The following CUX2 variants were observed in gnomAD, a reference collection of about 807,000 sequenced individuals.
CUX2 encodes cut like homeobox 2.
Under a neutral mutation model 144.8 loss-of-function variants are expected in CUX2, and 40 were observed. That is an observed-to-expected ratio of 0.28 (90% CI 0.21 to 0.36). The LOEUF (loss-of-function observed/expected upper bound fraction) is 0.36. Ranked by LOEUF, CUX2 falls within the 10% of genes least tolerant of loss-of-function variation. The probability of loss-of-function intolerance (pLI) is 1.00; values close to 1 mark genes in which losing one functional copy is unlikely to be tolerated. For missense variants in CUX2, 1,615 were observed against 1,994.0 expected (o/e 0.81, Z 3.62); for synonymous variants, 827 against 875.6 (o/e 0.94, Z 0.98).
intron 1 of CUX2, among the ~76,000 whole-genome samples, chr12:111,148,034 C>T (rs918120158): frequency 5.3e-5 from 8 of 152,180 alleles, no homozygotes; most frequent in African/African-American, 1.2e-4. Flanking sequence ...ACAGTGGTTT[C>T]GCTTCTTGCT....
At position 111,310,577 on chromosome 12, in the gene CUX2, C is replaced by A. The variant is rs200707164; in HGVS notation, c.1795C>A (p.Arg599Ser). ...GATCCTAGCCCGGCCCAAGCCCTGG[C>A]GCAAGCTCACGGTGAAGGGCAAGGA... ...SEILARPKPWRKLTVKGKEPF... is the reference protein window; with the variant it reads ...SEILARPKPWSKLTVKGKEPF... Residue 599 changes from arginine to serine, a missense_variant, in exon 15 of 22, where the codon CGC (arginine) becomes AGC (serine). By Grantham distance (110) the Arg-to-Ser change is moderately radical. Around this residue, in one of 12 missense-constraint regions of CUX2, gnomAD observed 71 missense variants for 142.3 expected, o/e 0.50. Transcript: ENST00000261726. This position sits in a 1 kb window ranked among gnomAD's most constrained non-coding sequence, Gnocchi z 7.9. 1.2e-6 allele frequency: 2 copies of A among 1,613,752 alleles called. No homozygotes were observed. The highest frequency in any genetic ancestry group is 1.7e-6 in the Non-Finnish European group (2 of 1,179,976).
At chr12:111,093,328 C>T (rs935267511) in intron 1 of CUX2, among the ~76,000 whole-genome samples, 8 of 152,174 alleles carry the variant, frequency 5.3e-5, no homozygotes, top group African/African-American at 1.9e-4. Context: ...AACTCTGGCT[C>T]GCCCAGGAGG....
rs1029890838 is a variant in CUX2, at chr12:111,068,253, C to T, written c.63+34013C>T. Among the ~76,000 whole-genome samples the T allele has an allele frequency of 6.6e-5, 10 of 152,220 alleles. No individual in the cohort carries two copies. Among genetic ancestry groups the T allele is most frequent in the Non-Finnish European group, 1.5e-5 (1 of 68,038 alleles). Reference sequence around the variant, plus strand: ...TTTTTCTAATTTTGCCGGAGTTGCCCTCCCCACTTTCCCTCTTCCTTTTCT... The same window carrying T: ...TTTTTCTAATTTTGCCGGAGTTGCCTTCCCCACTTTCCCTCTTCCTTTTCT... On this transcript the variant is annotated intron_variant, in intron 1 of 21. Transcript: ENST00000261726. The surrounding 1 kb of genome is among the most constrained non-coding windows in gnomAD (Gnocchi z 4.9).
chr12:111,045,457 C>T (rs995063160), intron 1 of CUX2, among the ~76,000 whole-genome samples: 1 of 152,170 alleles, frequency 6.6e-6, no homozygotes, highest in Admixed American at 6.5e-5. Flanking sequence ...ACTTCATAAT[C>T]ATTTGGAGGT....
At position 111,295,777 on chromosome 12, in the gene CUX2, A is replaced by T. The variant is rs981306916; in HGVS notation, c.637+368A>T. 3.3e-5 allele frequency among the ~76,000 whole-genome samples: 5 copies of T among 151,478 alleles called. No individual in the cohort carries two copies. Among genetic ancestry groups the T allele is most frequent in the African/African-American group, 1.2e-4 (5 of 41,000 alleles). ...TAATTAATTAATTAATTAATTAATT[A>T]ATTTAATACAACCCCTGCAGGGGCC... On this transcript the variant is annotated intron_variant, in intron 7 of 21. Transcript: ENST00000261726. The surrounding 1 kb of genome is among the most constrained non-coding windows in gnomAD (Gnocchi z 5.0).
Position 111,310,141 on chromosome 12 carries a change from C to G in CUX2, c.1359C>G (p.Asp453Glu), listed in dbSNP as rs760224285. ...QQLPPPPGPE[D>E]PLSPSPGQPL... ...TCCCACCTCCACCAGGGCCAGAAGA[C>G]CCCCTGTCTCCCAGCCCCGGGCAGC... The change falls in exon 15 of 22, where the codon GAC becomes GAG. Residue 453 changes from aspartate to glutamate, a missense_variant. Transcript: ENST00000261726. This position sits in a 1 kb window ranked among gnomAD's most constrained non-coding sequence, Gnocchi z 7.9. 2 of 1,532,278 alleles carry G rather than the reference C, an allele frequency of 1.3e-6. No homozygotes were observed. Among genetic ancestry groups the G allele is most frequent in the Non-Finnish European group, 1.8e-6 (2 of 1,140,812 alleles). 94.9% of individuals were successfully genotyped at this position (1,532,278 alleles called of 1,614,324 possible). A position where few individuals can be genotyped will look rare whatever the true frequency, so the allele number is the denominator to read the frequency against.
intron 1 of CUX2, among the ~76,000 whole-genome samples, chr12:111,147,534 A>G (rs1876765587): frequency 6.6e-6 from 1 of 152,132 alleles, no homozygotes; most frequent in Non-Finnish European, 1.5e-5. Context: ...TTTCAAGTTC[A>G]TGGTTCCCAC....
intron 1 of CUX2, among the ~76,000 whole-genome samples, chr12:111,136,293 G>C (rs898241541): frequency 6.6e-6 from 1 of 152,110 alleles, no homozygotes; most frequent in Non-Finnish European, 1.5e-5. Flanking sequence ...GGAAGTGAGA[G>C]AGAGAGCGGA....
intron 7 of CUX2, among the ~76,000 whole-genome samples, chr12:111,296,244 G>A (rs114549723): frequency 1.2e-4 from 18 of 152,006 alleles, no homozygotes; most frequent in Admixed American, 4.6e-4. Context: ...CATCTGCCCC[G>A]CACTGCCCAC....
rs377704177 is a variant in CUX2 at position 111,263,624 on chromosome 12, C to CAAAAA, written c.223-136_223-132dup. 5 of 763,714 alleles carry CAAAAA rather than the reference C, an allele frequency of 6.5e-6. No homozygotes were observed. Among genetic ancestry groups the CAAAAA allele is most frequent in the African/African-American group, 5.4e-5 (3 of 55,986 alleles). 47.3% of individuals were successfully genotyped at this position (763,714 alleles called of 1,614,324 possible). On this transcript the variant is annotated intron_variant, in intron 3 of 21. Transcript: ENST00000261726. This position sits in a 1 kb window ranked among gnomAD's most constrained non-coding sequence, Gnocchi z 4.0. ...TGGGCGACAGAGCAAGACTCTCTCT[C>CAAAAA]AAAAACAAAACAAAACAAAACAAAA...
intron 4 of CUX2, among the ~76,000 whole-genome samples, chr12:111,266,010 C>T (rs1269650327): frequency 6.6e-6 from 1 of 152,170 alleles, no homozygotes; most frequent in Non-Finnish European, 1.5e-5. Context: ...GTTCCTCTGT[C>T]TGGGGCAACT....
In CUX2 at chr12:111,173,494, G is replaced by A. The variant is rs368525082; in HGVS notation, c.64-40706G>A. Among the ~76,000 whole-genome samples the A allele has an allele frequency of 2.8e-4, 42 of 152,364 alleles. 1 individual carries two copies. In the East Asian group the frequency reaches 5.8e-3, roughly 21 times the overall value. ...TCTTCTAGGCACGATGAGGTGCTGG[G>A]CGCACAGGGGTACCTGCCCTCCTGG... On this transcript the variant is annotated intron_variant, in intron 1 of 21. Coordinates refer to ENST00000261726, the MANE Select transcript of CUX2 (RefSeq NM_015267.4).
intron 1 of CUX2, among the ~76,000 whole-genome samples, chr12:111,140,195 G>C (rs1416781103): frequency 6.6e-6 from 1 of 152,108 alleles, no homozygotes; most frequent in Non-Finnish European, 1.5e-5. Flanking sequence ...AATAGCAAAA[G>C]ACTTGGGGTG....
At position 111,320,580 on chromosome 12, in the gene CUX2, G is replaced by A. The variant is rs1289645774; in HGVS notation, c.2571G>A (p.Ala857=). The stretch of plus-strand genomic sequence containing the variant: ...CGGGCGAGCTCAAGGCTGAGGGCGC[G>A]ACGGCCGAGGCGGGCGCGCGGCTGC... ...PRTGELKAEG[A]TAEAGARLPY... Residue 857 remains alanine, a synonymous_variant, in exon 17 of 22, where the codon GCG becomes GCA. Transcript: ENST00000261726. The surrounding 1 kb of genome is among the most constrained non-coding windows in gnomAD (Gnocchi z 8.1). 10 of 1,532,590 alleles carry A rather than the reference G, an allele frequency of 6.5e-6. No homozygotes were observed. The highest frequency in any genetic ancestry group is 8.7e-6 in the Non-Finnish European group (10 of 1,148,268). The allele number at this position is 1,532,590 out of a possible 1,614,324, so 94.9% of individuals were successfully genotyped here.
chr12:111,169,316 C>A (rs986359159), intron 1 of CUX2, among the ~76,000 whole-genome samples: 7 of 152,144 alleles, frequency 4.6e-5, no homozygotes, highest in Non-Finnish European at 1.0e-4. Flanking sequence ...GTGAGCGCAG[C>A]CCTGCCAGCC....
chr12:111,175,790 G>A (rs180901034), intron 1 of CUX2, among the ~76,000 whole-genome samples: 2 of 151,944 alleles, frequency 1.3e-5, no homozygotes, highest in Admixed American at 6.5e-5. Flanking sequence ...TTTCACCGCC[G>A]GTTGCAATGT....
At chr12:111,306,657 A>C (rs1014700302) in intron 10 of CUX2, among the ~76,000 whole-genome samples, 2 of 152,230 alleles carry the variant, frequency 1.3e-5, no homozygotes, top group Non-Finnish European at 2.9e-5. Flanking sequence ...GCGAGCACCC[A>C]ATCCCCAACC....
At chr12:111,101,422 T>G (rs1873229102) in intron 1 of CUX2, among the ~76,000 whole-genome samples, 1 of 152,208 alleles carries the variant, frequency 6.6e-6, no homozygotes, top group Non-Finnish European at 1.5e-5. Context: ...GGGAACCTGG[T>G]GGCTGCCGGG....
chr12:111,082,808 T>C (rs1871975148), intron 1 of CUX2, among the ~76,000 whole-genome samples: 1 of 152,096 alleles, frequency 6.6e-6, no homozygotes. Context: ...CAGACTGGTT[T>C]GGCTTGTCTG....
Sources: gnomAD v4.1 joint callset for allele counts (sites outside exome capture counted in the v4.1 genomes callset) on GRCh38, gnomAD v4.1.1 for gene constraint, gnomAD v4.1.1 regional missense constraint, Gnocchi (gnomAD v3.1) non-coding constraint, MANE v1.5 for transcripts, NCBI Gene and HGNC (gene_info 2026-07-23, HGNC 2026-07-21) for gene names.